Variants in GRID2 observed in about 807,000 individuals in gnomAD.
GRID2 encodes the protein glutamate receptor ionotropic, delta-2.
A neutral mutation model predicts 114.8 loss-of-function variants in GRID2; 33 were observed. That is an observed-to-expected ratio of 0.29 (90% confidence interval 0.22 to 0.38). GRID2 has a LOEUF of 0.38. GRID2 is among the 10% of genes least tolerant of loss of function. GRID2 has a pLI of 1.00. For synonymous variants in GRID2, 505 were observed against 449.9 expected (o/e 1.12, Z -1.55); for missense variants, 1,184 against 1,257.7 (o/e 0.94, Z 0.89).
chr4:93,338,400 G>A (rs925917160), intron 8 of GRID2, among the ~76,000 whole-genome samples: 2 of 152,270 alleles, frequency 1.3e-5, no homozygotes, highest in African/African-American at 2.4e-5. Flanking sequence ...AGCGAAGCAT[G>A]CAGTTGGGAG....
chr4:93,216,525 C>A (rs1744236379), intron 5 of GRID2, among the ~76,000 whole-genome samples: 1 of 152,038 alleles, frequency 6.6e-6, no homozygotes, highest in South Asian at 2.1e-4. Flanking sequence ...TGTTTAGGCA[C>A]TAATGTATAT....
At chr4:93,278,916 T>G (rs1256036421) in intron 8 of GRID2, among the ~76,000 whole-genome samples, 1 of 151,758 alleles carries the variant, frequency 6.6e-6, no homozygotes, top group Non-Finnish European at 1.5e-5. Context: ...ATTAAACCTC[T>G]AACGTTATAA....
intron 2 of GRID2, among the ~76,000 whole-genome samples, chr4:92,598,328 T>C (rs1258282024): frequency 6.6e-6 from 1 of 152,150 alleles, no homozygotes; most frequent in East Asian, 1.9e-4. Flanking sequence ...CATGGTTAAT[T>C]TGGCCTTTAC....
intron 2 of GRID2, among the ~76,000 whole-genome samples, chr4:92,700,125 C>T (rs1734598483): frequency 6.6e-6 from 1 of 152,152 alleles, no homozygotes; most frequent in South Asian, 2.1e-4. Flanking sequence ...GAAGCATCCA[C>T]AAATCGAAAC....
intron 13 of GRID2, among the ~76,000 whole-genome samples, chr4:93,596,457 A>T (rs372081544): frequency 6.6e-6 from 1 of 152,310 alleles, no homozygotes; most frequent in Admixed American, 6.5e-5. Flanking sequence ...AGGCGCCTGT[A>T]GTCCCAGCTA....
chr4:93,189,773 CCA>C (rs34137840), intron 4 of GRID2, among the ~76,000 whole-genome samples: 52,889 of 138,512 alleles, frequency 0.38, 10,102 homozygotes, highest in Non-Finnish European at 0.43. Context: ...CCACACCACA[CCA>C]CACACACACA....
chr4:93,058,911 G>A (rs1053030988), intron 2 of GRID2, among the ~76,000 whole-genome samples: 1 of 151,988 alleles, frequency 6.6e-6, no homozygotes. Flanking sequence ...CTACTTGGTT[G>A]CCTTTGTATC....
intron 10 of GRID2, among the ~76,000 whole-genome samples, chr4:93,446,262 C>T (rs1722084360): frequency 6.6e-6 from 1 of 151,990 alleles, no homozygotes; most frequent in Non-Finnish European, 1.5e-5. Flanking sequence ...GCCATTGTGC[C>T]AGCCCTCCAA....
intron 1 of GRID2, among the ~76,000 whole-genome samples, chr4:92,476,487 A>C (rs1158701004): frequency 1.3e-5 from 2 of 152,216 alleles, no homozygotes; most frequent in African/African-American, 4.8e-5. Flanking sequence ...TTGTAAACCC[A>C]TACAGATATT....
At chr4:92,367,616 C>T (rs893503104) in intron 1 of GRID2, among the ~76,000 whole-genome samples, 13 of 152,056 alleles carry the variant, frequency 8.5e-5, no homozygotes, top group African/African-American at 2.7e-4. Context: ...GGCAAGTTTC[C>T]GTTAAAGGGA....
Position 93,537,204 on chromosome 4 carries a change from A to C in GRID2, c.2193+21793A>C, listed in dbSNP as rs1396782682. 2.6e-5 allele frequency among the ~76,000 whole-genome samples: 4 copies of C among 151,744 alleles called. No individual in the cohort carries two copies. In the East Asian group the frequency reaches 7.7e-4, roughly 29 times the overall value. ...TTTCCTTAGTTAGTTAAACTTACTA[A>C]TGGCAACATTTCATTCTCTAAGGCT... is the stretch of plus-strand genomic sequence containing the variant. On this transcript the variant is annotated intron_variant, in intron 13 of 15. Transcript: ENST00000282020.
chr4:92,877,819 T>G (rs1428545399), intron 2 of GRID2, among the ~76,000 whole-genome samples: 2 of 152,162 alleles, frequency 1.3e-5, no homozygotes, highest in Non-Finnish European at 1.5e-5. Flanking sequence ...ATTTGGAGAA[T>G]GACTTAAGAT....
At chr4:93,028,559 A>G (rs1262295155) in intron 2 of GRID2, among the ~76,000 whole-genome samples, 1 of 152,164 alleles carries the variant, frequency 6.6e-6, no homozygotes, top group Non-Finnish European at 1.5e-5. Context: ...AGTAGTGAGT[A>G]TGCAGAGCAA....
chr4:92,827,325 A>C (rs1741778932), intron 2 of GRID2, among the ~76,000 whole-genome samples: 1 of 151,846 alleles, frequency 6.6e-6, no homozygotes, highest in South Asian at 2.1e-4. Flanking sequence ...AATAAACATC[A>C]ACAGGTATAA....
chr4:92,729,265 T>C (rs551022906), intron 2 of GRID2, among the ~76,000 whole-genome samples: 1 of 152,174 alleles, frequency 6.6e-6, no homozygotes, highest in African/African-American at 2.4e-5. Flanking sequence ...CATCATTTTG[T>C]TTCTTTGGTA....
chr4:92,415,740 GTATATATATATATATA>G (rs70940888), intron 1 of GRID2, among the ~76,000 whole-genome samples: 1,634 of 82,220 alleles, frequency 0.02, 57 homozygotes, highest in African/African-American at 0.029. Flanking sequence ...GTGTATGTGT[GTATATATATATATATA>G]TATATATATA....
At chr4:93,145,051 T>C (rs1736086152) in intron 4 of GRID2, among the ~76,000 whole-genome samples, 2 of 152,198 alleles carry the variant, frequency 1.3e-5, no homozygotes, top group African/African-American at 4.8e-5. Context: ...AATAGCCGTT[T>C]TCTCTTCCCA....
intron 13 of GRID2, among the ~76,000 whole-genome samples, chr4:93,520,030 C>G (rs1364007099): frequency 1.3e-5 from 2 of 152,200 alleles, no homozygotes; most frequent in East Asian, 3.9e-4. Context: ...CAATATGGGC[C>G]AGTGTCATGG....
chr4:93,087,017 G>GATTTATTTATTTATTTATTT (rs140238204), intron 3 of GRID2, among the ~76,000 whole-genome samples: 4 of 147,520 alleles, frequency 2.7e-5, no homozygotes, highest in African/African-American at 1.0e-4. Context: ...CTATGAAAGT[G>GATTTATTTATTTATTTATTT]ATTTATTTAT....
Sources: allele counts gnomAD v4.1 joint callset (sites outside exome capture counted in the v4.1 genomes callset), GRCh38; gene constraint gnomAD v4.1.1; transcripts MANE v1.5; gene names NCBI Gene and HGNC (gene_info 2026-07-23, HGNC 2026-07-21).